The following CDS2 variants were observed in gnomAD, a reference collection of about 807,000 sequenced individuals.
CDS2 encodes CDP-diacylglycerol synthase 2.
In CDS2, 47 loss-of-function variants were observed where a neutral mutation model predicts 59.0. The observed-to-expected ratio is 0.80, with a 90% CI of 0.63 to 1.02. The LOEUF is 1.02. CDS2 is among the 50% of genes least tolerant of loss of function. CDS2 has a pLI of 0.00. For missense variants in CDS2, 356 were observed against 558.9 expected (o/e 0.64, Z 3.66); for synonymous variants, 207 against 206.4 (o/e 1.00, Z -0.02).
intron 10 of CDS2, among the ~76,000 whole-genome samples, chr20:5,188,506 A>G (rs942008168): frequency 5.3e-5 from 8 of 152,226 alleles, no homozygotes; most frequent in African/African-American, 1.9e-4. Flanking sequence ...ATTAACTTAG[A>G]TATTAGAAAT....
At chr20:5,127,715 C>T (rs2090566905) in intron 1 of CDS2, among the ~76,000 whole-genome samples, 1 of 151,644 alleles carries the variant, frequency 6.6e-6, no homozygotes, top group African/African-American at 2.4e-5. Flanking sequence ...GGCGTCCTCC[C>T]GGTTGATGGG....
intron 1 of CDS2, among the ~76,000 whole-genome samples, chr20:5,153,940 G>A (rs1417723035): frequency 2.0e-5 from 3 of 152,130 alleles, no homozygotes; most frequent in African/African-American, 7.2e-5. Context: ...CCCCCTAATA[G>A]GATGAAGCTC....
At chr20:5,127,197 G>T in intron 1 of CDS2, 48 bp downstream of exon 1, 1 of 1,422,400 alleles carries the variant, frequency 7.0e-7, no homozygotes. Flanking sequence ...GGCGCATCCG[G>T]GAGGCCTGCG....
rs1491588318 is a variant in CDS2 at position 5,145,237 on chromosome 20, C to CCG, written c.57+18089_57+18090insGC. Among the ~76,000 whole-genome samples, 6 of 32,980 alleles carry CCG rather than the reference C, an allele frequency of 1.8e-4. No individual in the cohort carries two copies. The East Asian group carries it at 4.9e-3, about 27-fold the overall frequency. The allele number at this position is 32,980 out of a possible 152,430, so 21.6% of individuals were successfully genotyped here. A position where few individuals can be genotyped will look rare whatever the true frequency, so the allele number is the denominator to read the frequency against. ...AGGGCGAATGGGTAGAAAGGAAAGA[C>CCG]CCCCCCCCCCGCCCCCGCCACCAAA... On this transcript the variant is annotated intron_variant, in intron 1 of 12. Coordinates refer to ENST00000460006, the MANE Select transcript of CDS2 (RefSeq NM_003818.4).
chr20:5,134,326 C>T (rs2090631137), intron 1 of CDS2, among the ~76,000 whole-genome samples: 1 of 152,146 alleles, frequency 6.6e-6, no homozygotes, highest in South Asian at 2.1e-4. Flanking sequence ...CTCTTTAGAA[C>T]ATTCACTGAC....
chr20:5,178,202 G>A (rs1273570282), intron 4 of CDS2, among the ~76,000 whole-genome samples: 4 of 152,218 alleles, frequency 2.6e-5, no homozygotes, highest in Non-Finnish European at 5.9e-5. Context: ...GTTTGTCAGA[G>A]CCAGGCTTCA....
intron 1 of CDS2, among the ~76,000 whole-genome samples, chr20:5,168,293 T>C (rs1296118728): frequency 6.7e-6 from 1 of 150,148 alleles, no homozygotes; most frequent in Non-Finnish European, 1.5e-5. Flanking sequence ...CGGGCACTTG[T>C]AATCCTAGCT....
intron 1 of CDS2, among the ~76,000 whole-genome samples, chr20:5,149,862 C>G (rs2090774916): frequency 6.6e-6 from 1 of 151,900 alleles, no homozygotes; most frequent in Non-Finnish European, 1.5e-5. Context: ...ATTACAGGTG[C>G]CTGCCACCAC....
intron 1 of CDS2, among the ~76,000 whole-genome samples, chr20:5,127,452 C>T (rs1172618944): frequency 6.6e-6 from 1 of 152,210 alleles, no homozygotes; most frequent in Non-Finnish European, 1.5e-5. Context: ...GGACTCCCCT[C>T]TCCCCCAACT....
chr20:5,156,408 A>G (rs1326036806), intron 1 of CDS2, among the ~76,000 whole-genome samples: 1 of 152,122 alleles, frequency 6.6e-6, no homozygotes, highest in Non-Finnish European at 1.5e-5. Flanking sequence ...TCTTGTTGGC[A>G]GGTTGAAAGT....
chr20:5,168,417 C>G (rs1326140929), intron 1 of CDS2, among the ~76,000 whole-genome samples: 1 of 71,536 alleles, frequency 1.4e-5, no homozygotes, highest in Admixed American at 1.6e-4. Flanking sequence ...TCTGTCCCCC[C>G]AAAAAAAAAA....
At chr20:5,160,076 G>A (rs2090865496) in intron 1 of CDS2, among the ~76,000 whole-genome samples, 1 of 152,174 alleles carries the variant, frequency 6.6e-6, no homozygotes, top group South Asian at 2.1e-4. Flanking sequence ...TGATGAAGCT[G>A]AGCTGTTTGT....
At chr20:5,143,672 A>G (rs1263448681) in intron 1 of CDS2, among the ~76,000 whole-genome samples, 6 of 132,884 alleles carry the variant, frequency 4.5e-5, no homozygotes, top group Admixed American at 2.6e-4. Flanking sequence ...TCTGTCATCC[A>G]GGCTGGAGTG....
intron 1 of CDS2, among the ~76,000 whole-genome samples, chr20:5,169,175 T>C (rs1600499362): frequency 6.6e-6 from 1 of 152,172 alleles, no homozygotes; most frequent in Non-Finnish European, 1.5e-5. Context: ...GAGGCGGTGG[T>C]TGAGAGAGAA....
At chr20:5,150,573 G>T (rs961735308) in intron 1 of CDS2, among the ~76,000 whole-genome samples, 2 of 152,218 alleles carry the variant, frequency 1.3e-5, no homozygotes, top group Non-Finnish European at 2.9e-5. Flanking sequence ...GGAGAGAAGG[G>T]GAGGTGACAG....
At chr20:5,185,879 C>T in intron 9 of CDS2, 53 bp downstream of exon 9, 1 of 1,518,108 alleles carries the variant, frequency 6.6e-7, no homozygotes, top group Non-Finnish European at 9.1e-7. Context: ...AGGCCTCATA[C>T]CACCTTCCAA....
At chr20:5,140,057 T>C (rs7266338) in intron 1 of CDS2, among the ~76,000 whole-genome samples, 1,872 of 152,270 alleles carry the variant, frequency 0.012, 48 homozygotes, top group African/African-American at 0.041. Flanking sequence ...CCACCTTGGG[T>C]TCCCAACGTG....
intron 7 of CDS2, among the ~76,000 whole-genome samples, chr20:5,183,805 T>C (rs1194266971): frequency 1.3e-5 from 2 of 152,178 alleles, no homozygotes; most frequent in Non-Finnish European, 2.9e-5. Context: ...AATGCAGTGG[T>C]TTCATGTATC....
intron 2 of CDS2, 69 bp downstream of exon 2, chr20:5,173,728 C>T (rs6139644): frequency 6.3e-7 from 1 of 1,582,476 alleles, no homozygotes; most frequent in Non-Finnish European, 8.6e-7. Context: ...CTGGAAGAGC[C>T]TGCAGAGAGC....
Sources: gnomAD v4.1 joint callset for allele counts (sites outside exome capture counted in the v4.1 genomes callset) on GRCh38, gnomAD v4.1.1 for gene constraint, MANE v1.5 for transcripts, NCBI Gene and HGNC (gene_info 2026-07-23, HGNC 2026-07-21) for gene names.